Variants in ENOX2 observed in about 807,000 individuals in gnomAD.
ENOX2 encodes the protein ecto-NOX disulfide-thiol exchanger 2.
ENOX2 carries 36 observed loss-of-function variants against 45.0 expected under a neutral mutation model. The observed-to-expected ratio is 0.80, with a 90% CI of 0.61 to 1.06. The LOEUF (loss-of-function observed/expected upper bound fraction) is 1.06. ENOX2 is among the 50% of genes least tolerant of loss of function. The pLI, the probability that ENOX2 is intolerant of heterozygous loss-of-function variation, is 0.00. For missense variants in ENOX2, 423 were observed against 462.5 expected, an observed-to-expected ratio of 0.91 and a Z score of 0.78; for synonymous variants, 174 against 152.3, an observed-to-expected ratio of 1.14 and a Z score of -1.05.
rs777048157 is a variant in ENOX2, at chrX:130,627,972, G to A, written c.1600C>T (p.Arg534Cys). Residue 534 changes from arginine to cysteine, a missense_variant, in exon 14 of 15, where the codon CGT (arginine) becomes TGT (cysteine). By Grantham distance (180) the Arg-to-Cys change is radical. This residue lies in a region of ENOX2 where 7 missense variants were observed against 24.0 expected (regional missense o/e 0.29). Coordinates refer to ENST00000394363, the MANE Select transcript of ENOX2 (RefSeq NM_006375.4). ...CCCCCATATACCTTATTATCAAGAC[G>A]GTGCAAGTAGGAACAGATGTATTCA... ...SIEYICSYLHRLDNKICTSDV... is the reference protein window; with the variant it reads ...SIEYICSYLHCLDNKICTSDV... The A allele has an allele frequency of 4.2e-6, 5 of 1,198,668 alleles. No homozygotes were observed. The Admixed American group carries it at 6.6e-5, about 16-fold the overall frequency.
intron 3 of ENOX2, among the ~76,000 whole-genome samples, chrX:130,733,445 C>A (rs918880448): frequency 9.1e-6 from 1 of 110,436 alleles, no homozygotes; most frequent in Non-Finnish European, 1.9e-5. Context: ...ACCAAATGAC[C>A]CCACAATTAC....
At chrX:130,759,418 C>A (rs1490185561) in intron 3 of ENOX2, among the ~76,000 whole-genome samples, 1 of 108,387 alleles carries the variant, frequency 9.2e-6, no homozygotes, top group East Asian at 2.9e-4. Flanking sequence ...ATGGTGAAAC[C>A]CCGACTCTAC....
At chrX:130,632,739 A>C (rs927111725) in intron 12 of ENOX2, among the ~76,000 whole-genome samples, 11 of 111,935 alleles carry the variant, frequency 9.8e-5, no homozygotes, top group African/African-American at 3.6e-4. Context: ...CTATGCTGCA[A>C]GACATGTTGT....
chrX:130,849,122 C>G (rs1448187952), intron 2 of ENOX2, among the ~76,000 whole-genome samples: 1 of 112,680 alleles, frequency 8.9e-6, no homozygotes, highest in Non-Finnish European at 1.9e-5. Context: ...AAAAACCCAA[C>G]TGAACTTTTA....
At chrX:130,788,891 C>G (rs1349821708) in intron 2 of ENOX2, among the ~76,000 whole-genome samples, 1 of 112,319 alleles carries the variant, frequency 8.9e-6, no homozygotes, top group Non-Finnish European at 1.9e-5. Flanking sequence ...TCTACTATTT[C>G]TGTATCTCAT....
intron 2 of ENOX2, among the ~76,000 whole-genome samples, chrX:130,899,853 A>G (rs979179159): frequency 8.9e-6 from 1 of 112,455 alleles, no homozygotes; most frequent in Admixed American, 9.3e-5. Flanking sequence ...ATTGCTCACC[A>G]TACAATATAA....
intron 12 of ENOX2, among the ~76,000 whole-genome samples, chrX:130,632,468 G>C (rs1171497531): frequency 9.4e-6 from 1 of 106,007 alleles, no homozygotes. Context: ...TTCTCTCTTT[G>C]GGTACGGAGA....
chrX:130,715,613 A>G (rs753303780), intron 3 of ENOX2, among the ~76,000 whole-genome samples: 1 of 110,056 alleles, frequency 9.1e-6, no homozygotes, highest in African/African-American at 3.3e-5. Context: ...ATCAACCACT[A>G]GCATGCATTT....
rs894849922 is a variant in ENOX2, at chrX:130,859,214, T to G, written c.-183+42470A>C. 4.5e-5 allele frequency among the ~76,000 whole-genome samples: 5 copies of G among 111,728 alleles called. No homozygotes were observed. The East Asian group carries it at 8.5e-4, about 19-fold the overall frequency. On this transcript the variant is annotated intron_variant, in intron 2 of 14. Coordinates refer to ENST00000394363, the MANE Select transcript of ENOX2 (RefSeq NM_006375.4). Reference sequence around the variant, plus strand: ...GGTGTGCACCTGTAATCCAAGCTACTCAGGAGGCTGACACAGGAGAATTGC... The same window carrying G: ...GGTGTGCACCTGTAATCCAAGCTACGCAGGAGGCTGACACAGGAGAATTGC...
At chrX:130,648,953 G>A (rs751014035) in intron 10 of ENOX2, among the ~76,000 whole-genome samples, 13 of 101,129 alleles carry the variant, frequency 1.3e-4, no homozygotes, top group African/African-American at 4.7e-4. Context: ...GCTGAGGCAG[G>A]AGAATCACTT....
chrX:130,637,840 A>T (rs2035972356), intron 10 of ENOX2, among the ~76,000 whole-genome samples: 1 of 111,552 alleles, frequency 9.0e-6, no homozygotes, highest in Non-Finnish European at 1.9e-5. Context: ...AAAGAGTCAG[A>T]TTCTAACTTC....
chrX:130,709,234 G>A, intron 3 of ENOX2: 1 of 1,199,192 alleles, frequency 8.3e-7, no homozygotes, highest in Middle Eastern at 2.3e-4. Context: ...TGTACAAAGT[G>A]GGGCTTACCT....
intron 6 of ENOX2, among the ~76,000 whole-genome samples, chrX:130,674,554 A>G (rs1048998646): frequency 9.0e-6 from 1 of 111,672 alleles, no homozygotes; most frequent in Non-Finnish European, 1.9e-5. Context: ...CACGAGAAAC[A>G]AGAAGAAAAT....
At chrX:130,816,653 C>T (rs1006386048) in intron 2 of ENOX2, among the ~76,000 whole-genome samples, 2 of 111,897 alleles carry the variant, frequency 1.8e-5, no homozygotes, top group African/African-American at 6.5e-5. Context: ...ACAACCTGCT[C>T]CTGAAAGACT....
At chrX:130,768,647 G>A (rs747707385) in intron 3 of ENOX2, among the ~76,000 whole-genome samples, 167 of 111,989 alleles carry the variant, frequency 1.5e-3, no homozygotes, top group Non-Finnish European at 1.3e-3. Flanking sequence ...AACTAACCAT[G>A]AGTGGCCACA....
rs917100341 is a variant in ENOX2 at position 130,622,738 on chromosome X, G to A, written c.*2576C>T. On this transcript the variant is annotated 3_prime_UTR_variant, in exon 15 of 15. Transcript: ENST00000394363. ...ATGATGGATGAAAAGGTTTGTGAGA[G>A]ATGGTATGTGCCACAATTTGATTGT... Among the ~76,000 whole-genome samples, 4 of 112,100 alleles carry A rather than the reference G, an allele frequency of 3.6e-5. No individual in the cohort carries two copies. Among genetic ancestry groups the A allele is most frequent in the Non-Finnish European group, 7.5e-5 (4 of 53,277 alleles).
At chrX:130,822,051 G>C in intron 2 of ENOX2, among the ~76,000 whole-genome samples, 2 of 84,701 alleles carry the variant, frequency 2.4e-5, no homozygotes. Context: ...CTGGGTGACA[G>C]AGTGAGACTC....
rs2067792240 is a variant in ENOX2, at chrX:130,680,869, T to C, written c.254-1121A>G. On this transcript the variant is annotated intron_variant, in intron 5 of 14. Coordinates refer to ENST00000394363, the MANE Select transcript of ENOX2 (RefSeq NM_006375.4). ...GACTCTTATCCAAGTTGGCAAGCAG[T>C]TGATTTGGGAGCCTCCTTGGGTATC... Among the ~76,000 whole-genome samples, 3 of 112,396 alleles carry C rather than the reference T, an allele frequency of 2.7e-5. No homozygotes were observed. The South Asian group carries it at 1.1e-3, about 41-fold the overall frequency.
intron 3 of ENOX2, among the ~76,000 whole-genome samples, chrX:130,749,206 G>A (rs898191593): frequency 8.9e-6 from 1 of 111,942 alleles, no homozygotes; most frequent in African/African-American, 3.2e-5. Context: ...AGGAAGAAGA[G>A]AGGTTTCCTC....
Sources: gnomAD v4.1 joint callset for allele counts (sites outside exome capture counted in the v4.1 genomes callset) on GRCh38, gnomAD v4.1.1 for gene constraint, gnomAD v4.1.1 regional missense constraint, MANE v1.5 for transcripts, NCBI Gene and HGNC (gene_info 2026-07-23, HGNC 2026-07-21) for gene names.